The following MTMR12 variants were observed in gnomAD, a reference collection of about 807,000 sequenced individuals.
MTMR12 encodes the protein myotubularin-related protein 12.
In MTMR12, 33 loss-of-function variants were observed where a neutral mutation model predicts 96.7. That is an observed-to-expected ratio of 0.34 (90% confidence interval 0.26 to 0.46). The LOEUF (loss-of-function observed/expected upper bound fraction) is 0.46. Ranked by LOEUF, MTMR12 falls within the 20% of genes least tolerant of loss-of-function variation. The pLI is 1.00. For missense variants in MTMR12, 721 were observed against 896.1 expected (o/e 0.80, Z 2.49); for synonymous variants, 298 against 327.2 (o/e 0.91, Z 0.96).
At chr5:32,287,318 G>T (rs957121558) in intron 1 of MTMR12, among the ~76,000 whole-genome samples, 5 of 152,290 alleles carry the variant, frequency 3.3e-5, no homozygotes, top group Admixed American at 3.3e-4. Flanking sequence ...AGCTACCAGT[G>T]AATATAAGGC....
chr5:32,274,160 A>G lies in MTMR12; in HGVS notation c.143-38T>C, dbSNP rs993351745. 8 of 1,606,458 alleles carry G rather than the reference A, an allele frequency of 5.0e-6. No homozygotes were observed. The African/African-American group carries it at 9.4e-5, about 19-fold the overall frequency. On this transcript the variant is annotated intron_variant, in intron 2 of 15. Coordinates refer to ENST00000382142, the MANE Select transcript of MTMR12 (RefSeq NM_001040446.3). The stretch of plus-strand genomic sequence containing the variant: ...AAAACAGGTCCTCCTTAGAGTTCTC[A>G]GGGAACATACGATATGCAAACACTA...
At chr5:32,253,319 G>C (rs1306287235) in intron 8 of MTMR12, among the ~76,000 whole-genome samples, 1 of 152,188 alleles carries the variant, frequency 6.6e-6, no homozygotes, top group African/African-American at 2.4e-5. Flanking sequence ...CATTTAAAAG[G>C]ATTGGGTATT....
At chr5:32,254,942 T>C (rs1749081354) in intron 8 of MTMR12, among the ~76,000 whole-genome samples, 1 of 152,362 alleles carries the variant, frequency 6.6e-6, no homozygotes, top group East Asian at 1.9e-4. Flanking sequence ...CATATTCCCA[T>C]GTGGCATATA....
chr5:32,232,254 C>T (rs540355956), intron 15 of MTMR12, among the ~76,000 whole-genome samples: 1 of 152,342 alleles, frequency 6.6e-6, no homozygotes, highest in East Asian at 1.9e-4. Flanking sequence ...TTCCCCCAGG[C>T]CACCAGGCCG....
intron 1 of MTMR12, among the ~76,000 whole-genome samples, chr5:32,296,959 T>C (rs1446956233): frequency 6.6e-6 from 1 of 151,656 alleles, no homozygotes; most frequent in Non-Finnish European, 1.5e-5. Context: ...AAAAATTAGC[T>C]GGGCGTGATG....
intron 1 of MTMR12, among the ~76,000 whole-genome samples, chr5:32,293,694 C>T (rs1750823576): frequency 6.6e-6 from 1 of 152,162 alleles, no homozygotes; most frequent in South Asian, 2.1e-4. Context: ...ACCCTGTGTT[C>T]CCTGGATGAG....
At chr5:32,283,123 T>C (rs1750374116) in intron 1 of MTMR12, among the ~76,000 whole-genome samples, 1 of 152,212 alleles carries the variant, frequency 6.6e-6, no homozygotes, top group South Asian at 2.1e-4. Flanking sequence ...TCTGAATGTG[T>C]ATAAGCTGTT....
chr5:32,306,184 TG>T (rs941619156), intron 1 of MTMR12, among the ~76,000 whole-genome samples: 4 of 152,266 alleles, frequency 2.6e-5, no homozygotes, highest in African/African-American at 9.6e-5. Flanking sequence ...AATAAGAGAA[TG>T]GGCCCCGAGA....
intron 8 of MTMR12, among the ~76,000 whole-genome samples, chr5:32,250,875 G>C (rs1288474151): frequency 6.6e-6 from 1 of 152,154 alleles, no homozygotes; most frequent in East Asian, 1.9e-4. Flanking sequence ...CCTGGTCAAA[G>C]AGGCTTCTCA....
chr5:32,307,712 C>T (rs746600110), intron 1 of MTMR12, among the ~76,000 whole-genome samples: 6 of 152,156 alleles, frequency 3.9e-5, no homozygotes, highest in African/African-American at 1.4e-4. Flanking sequence ...CCTCATTTTA[C>T]GCTGTCCGAT....
chr5:32,270,166 C>G (rs537116487), intron 5 of MTMR12, among the ~76,000 whole-genome samples: 2 of 151,906 alleles, frequency 1.3e-5, no homozygotes, highest in Non-Finnish European at 2.9e-5. Context: ...TTGGATACCA[C>G]TGGACTTCAG....
chr5:32,291,464 A>G (rs1217024569), intron 1 of MTMR12, among the ~76,000 whole-genome samples: 1 of 152,180 alleles, frequency 6.6e-6, no homozygotes, highest in African/African-American at 2.4e-5. Context: ...GTGACAAAGA[A>G]ATTTGGGGAA....
chr5:32,312,874 G>A lies in MTMR12; in HGVS notation c.-36C>T. 5 of 1,505,510 alleles carry A rather than the reference G, an allele frequency of 3.3e-6. No homozygotes were observed. The highest frequency in any genetic ancestry group is 4.4e-6 in the Non-Finnish European group (5 of 1,132,378). 93.3% of individuals were successfully genotyped at this position (1,505,510 alleles called of 1,614,324 possible). Reference sequence around the variant, plus strand: ...TGGGAAGCAGCGACGCGCGGACGCAGAGGCGGCGGCTCGGGCTCCAGCTGG... The same window carrying A: ...TGGGAAGCAGCGACGCGCGGACGCAAAGGCGGCGGCTCGGGCTCCAGCTGG... On this transcript the variant is annotated 5_prime_UTR_variant, in exon 1 of 16. Coordinates refer to ENST00000382142, the MANE Select transcript of MTMR12 (RefSeq NM_001040446.3). This position sits in a 1 kb window ranked among gnomAD's most constrained non-coding sequence, Gnocchi z 5.0.
In MTMR12 at chr5:32,237,604, G is replaced by A. The variant is rs142201270; in HGVS notation, c.1344+1397C>T. ...TGGCTCACTGCAACCTCTGCCTCCC[G>A]GGTTTAAGTGATTCTCCTGCCTCAG... is the stretch of plus-strand genomic sequence containing the variant. On this transcript the variant is annotated intron_variant, in intron 13 of 15. Coordinates refer to ENST00000382142, the MANE Select transcript of MTMR12 (RefSeq NM_001040446.3). Among the ~76,000 whole-genome samples the A allele has an allele frequency of 6.5e-3, 987 of 151,932 alleles. 34 individuals are homozygous for A. Among genetic ancestry groups the A allele is most frequent in the Admixed American group, 0.059 (903 of 15,244 alleles).
At position 32,233,467 on chromosome 5, in the gene MTMR12, CACACAA is replaced by C. The variant is rs376840140; in HGVS notation, c.1674+300_1674+305del. 0.26 allele frequency among the ~76,000 whole-genome samples: 38,118 copies of C among 146,794 alleles called. 5,189 individuals carry two copies. The highest frequency in any genetic ancestry group is 0.4 in the Middle Eastern group (114 of 288). On this transcript the variant is annotated intron_variant, in intron 15 of 15. Transcript: ENST00000382142. The surrounding 1 kb of genome is among the most constrained non-coding windows in gnomAD (Gnocchi z 5.0). Reference sequence around the variant, plus strand: ...CTTTTACTCTACTAACACACACACACACACAAACACACACACACACACACACACACA... The same window carrying C: ...CTTTTACTCTACTAACACACACACACACACACACACACACACACACACACA...
At chr5:32,273,493 T>C (rs1313652993) in intron 3 of MTMR12, among the ~76,000 whole-genome samples, 1 of 152,202 alleles carries the variant, frequency 6.6e-6, no homozygotes. Flanking sequence ...GAGCTTAGTA[T>C]AGAGAAAACG....
At position 32,233,700 on chromosome 5, in the gene MTMR12, C is replaced by T. The variant is rs1191927121; in HGVS notation, c.1674+73G>A. 5.6e-6 allele frequency: 9 copies of T among 1,595,646 alleles called. No homozygotes were observed. In the East Asian group the frequency reaches 6.7e-5, roughly 12 times the overall value. The stretch of plus-strand genomic sequence containing the variant: ...GTAGAAAATGCTGGCAGACAGAATC[C>T]GTAAGTACCTTTTATCATTACATGC... On this transcript the variant is annotated intron_variant, in intron 15 of 15. Transcript: ENST00000382142. The surrounding 1 kb of genome is among the most constrained non-coding windows in gnomAD (Gnocchi z 5.0).
chr5:32,238,962 C>G, intron 13 of MTMR12, 39 bp downstream of exon 13: 1 of 1,500,288 alleles, frequency 6.7e-7, no homozygotes. Context: ...TTCAGTAGTT[C>G]TCCCTATGAC....
At position 32,255,787 on chromosome 5, in the gene MTMR12, A is replaced by G. The variant is rs377323848; in HGVS notation, c.714-19T>C. The G allele has an allele frequency of 5.0e-6, 8 of 1,593,294 alleles. No individual in the cohort carries two copies. The South Asian group carries it at 5.7e-5, about 11-fold the overall frequency. ...TGGCAATCTAGAAGAAAGAAATGTC[A>G]TCAAGTTTTAGTACAACACTTAATT... On this transcript the variant is annotated intron_variant, in intron 7 of 15. Transcript: ENST00000382142.
Sources: allele counts gnomAD v4.1 joint callset (sites outside exome capture counted in the v4.1 genomes callset), GRCh38; gene constraint gnomAD v4.1.1; non-coding constraint Gnocchi (gnomAD v3.1); transcripts MANE v1.5; gene names NCBI Gene and HGNC (gene_info 2026-07-23, HGNC 2026-07-21).